Variants in PCDH15 observed in about 807,000 individuals in gnomAD.
PCDH15 encodes protocadherin related 15.
In PCDH15, 129 loss-of-function variants were observed where a neutral mutation model predicts 178.5. The ratio of observed to expected loss-of-function variants is 0.72; its 90% confidence interval spans 0.63 to 0.84. PCDH15 has a LOEUF of 0.84. PCDH15 is among the 40% of genes least tolerant of loss of function. The pLI is 0.00. For missense variants in PCDH15, 2,230 were observed against 2,099.9 expected, an observed-to-expected ratio of 1.06 and a Z score of -1.21; for synonymous variants, 800 against 732.0, an observed-to-expected ratio of 1.09 and a Z score of -1.50.
At chr10:55,363,650 G>A (rs375238032) in intron 2 of PCDH15, among the ~76,000 whole-genome samples, 1 of 151,836 alleles carries the variant, frequency 6.6e-6, no homozygotes, top group South Asian at 2.1e-4. Flanking sequence ...GTTGGGATGT[G>A]GGGGGACGGA....
intron 8 of PCDH15, among the ~76,000 whole-genome samples, chr10:54,253,137 G>A (rs1231069923): frequency 2.0e-5 from 3 of 152,046 alleles, no homozygotes; most frequent in Non-Finnish European, 4.4e-5. Context: ...GGGTTTACTA[G>A]AGAAATATCA....
At chr10:55,179,841 G>A (rs1403529129) in intron 1 of PCDH15, among the ~76,000 whole-genome samples, 1 of 151,938 alleles carries the variant, frequency 6.6e-6, no homozygotes, top group Non-Finnish European at 1.5e-5. Context: ...TGGGAGAGAA[G>A]TGGCAACTGG....
chr10:54,587,872 TAGAA>T (rs2091607710), intron 2 of PCDH15, among the ~76,000 whole-genome samples: 1 of 152,178 alleles, frequency 6.6e-6, no homozygotes, highest in Admixed American at 6.5e-5. Flanking sequence ...AACAGAGTTA[TAGAA>T]AGAAAGAACT....
chr10:55,399,207 TCTTTA>T (rs896357488), intron 2 of PCDH15, among the ~76,000 whole-genome samples: 3 of 152,178 alleles, frequency 2.0e-5, no homozygotes, highest in Non-Finnish European at 2.9e-5. Context: ...CAGATTTATG[TCTTTA>T]CTTAATAGTA....
At chr10:54,020,102 A>G (rs2092867342) in intron 20 of PCDH15, 90 bp downstream of exon 20, 1 of 1,129,812 alleles carries the variant, frequency 8.9e-7, no homozygotes, top group African/African-American at 1.5e-5. Context: ...AGGAATTGTT[A>G]TCAAAACATA....
At chr10:54,900,773 G>A (rs1177559529) in intron 2 of PCDH15, among the ~76,000 whole-genome samples, 2 of 152,130 alleles carry the variant, frequency 1.3e-5, no homozygotes, top group African/African-American at 4.8e-5. Context: ...CAGCGACCCA[G>A]TTTATGTCTC....
At chr10:54,623,418 C>CT (rs2093449791) in intron 2 of PCDH15, among the ~76,000 whole-genome samples, 1 of 151,894 alleles carries the variant, frequency 6.6e-6, no homozygotes, top group Non-Finnish European at 1.5e-5. Context: ...ATTTGACTAA[C>CT]TTTTTTACAT....
intron 2 of PCDH15, among the ~76,000 whole-genome samples, chr10:54,535,534 C>T (rs974475890): frequency 2.0e-5 from 3 of 151,646 alleles, no homozygotes; most frequent in African/African-American, 4.8e-5. Flanking sequence ...CATGGTGAAA[C>T]CCCATCTCTA....
intron 25 of PCDH15, among the ~76,000 whole-genome samples, chr10:53,921,856 C>A (rs1026992997): frequency 1.3e-5 from 2 of 152,042 alleles, no homozygotes; most frequent in Non-Finnish European, 2.9e-5. Flanking sequence ...TTTGGAATGA[C>A]CAATTTAGTT....
At chr10:55,143,631 A>T (rs963454689) in intron 2 of PCDH15, among the ~76,000 whole-genome samples, 1 of 151,630 alleles carries the variant, frequency 6.6e-6, no homozygotes, top group Non-Finnish European at 1.5e-5. Context: ...TAACATTTGA[A>T]TTTTTTTTTC....
At chr10:55,210,350 A>C (rs1199617326) in intron 1 of PCDH15, among the ~76,000 whole-genome samples, 1 of 151,984 alleles carries the variant, frequency 6.6e-6, no homozygotes, top group Admixed American at 6.6e-5. Flanking sequence ...TAGTAGATAA[A>C]TAAAAGTAAA....
intron 5 of PCDH15, among the ~76,000 whole-genome samples, chr10:54,358,706 G>A (rs1354456161): frequency 6.6e-6 from 1 of 152,080 alleles, no homozygotes; most frequent in Admixed American, 6.6e-5. Flanking sequence ...AAAGACACAT[G>A]CACATGTATG....
At chr10:54,762,809 G>T (rs1175662306) in intron 1 of PCDH15, among the ~76,000 whole-genome samples, 2 of 152,136 alleles carry the variant, frequency 1.3e-5, no homozygotes, top group East Asian at 3.9e-4. Flanking sequence ...TATAATGAAA[G>T]AAATATTTCA....
Position 55,434,410 on chromosome 10 carries a change from A to G in PCDH15, c.-156+193215T>C, listed in dbSNP as rs367891131. Reference sequence around the variant, plus strand: ...TTTGTTCTTGGCTAATTATATCTCCATATTTATATTGAAATGAGTTTCATA... The same window carrying G: ...TTTGTTCTTGGCTAATTATATCTCCGTATTTATATTGAAATGAGTTTCATA... On this transcript the variant is annotated intron_variant, in intron 2 of 5. Coordinates refer to the PCDH15 transcript ENST00000613346. Among the ~76,000 whole-genome samples the G allele has an allele frequency of 1.9e-4, 29 of 151,848 alleles. No homozygotes were observed. The South Asian group carries it at 5.4e-3, about 28-fold the overall frequency.
intron 7 of PCDH15, among the ~76,000 whole-genome samples, chr10:54,318,007 G>A (rs1314241110): frequency 6.6e-6 from 1 of 152,082 alleles, no homozygotes; most frequent in Non-Finnish European, 1.5e-5. Flanking sequence ...TAACCATAAA[G>A]GTCACTCTCA....
At chr10:55,550,872 G>A (rs1438140339) in intron 2 of PCDH15, among the ~76,000 whole-genome samples, 1 of 151,986 alleles carries the variant, frequency 6.6e-6, no homozygotes, top group African/African-American at 2.4e-5. Context: ...ATACCTTGAT[G>A]TCCGGTTTTG....
chr10:54,675,525 T>C (rs1467265825), intron 1 of PCDH15, among the ~76,000 whole-genome samples: 3 of 151,842 alleles, frequency 2.0e-5, no homozygotes, highest in Non-Finnish European at 2.9e-5. Flanking sequence ...ATAACCAAAT[T>C]TCATTTTACT....
intron 3 of PCDH15, among the ~76,000 whole-genome samples, chr10:54,853,287 GTGTATATATATATA>G (rs1256518880): frequency 4.1e-4 from 23 of 56,570 alleles, no homozygotes; most frequent in Non-Finnish European, 5.3e-4. Flanking sequence ...GTATGTATGT[GTGTATATATATATA>G]TATATATATA....
intron 25 of PCDH15, among the ~76,000 whole-genome samples, chr10:53,913,741 C>A (rs2083308566): frequency 6.7e-6 from 1 of 149,332 alleles, no homozygotes; most frequent in Non-Finnish European, 1.5e-5. Context: ...GAGACTCTGT[C>A]TCAAAAAAAA....
Sources: allele counts gnomAD v4.1 joint callset (sites outside exome capture counted in the v4.1 genomes callset), GRCh38; gene constraint gnomAD v4.1.1; transcripts MANE v1.5; gene names NCBI Gene and HGNC (gene_info 2026-07-23, HGNC 2026-07-21).